The following SGSM2 variants were observed in gnomAD, a reference collection of about 807,000 sequenced individuals.
SGSM2 encodes small G protein signaling modulator 2, also known as RUN and TBC1 domain containing 1.
Under a neutral mutation model 126.6 loss-of-function variants are expected in SGSM2, and 89 were observed. The ratio of observed to expected loss-of-function variants is 0.70; its 90% CI spans 0.59 to 0.84. The LOEUF (loss-of-function observed/expected upper bound fraction) is 0.84, where lower values mean the gene tolerates loss of function less well. Ranked by LOEUF, SGSM2 falls within the 40% of genes least tolerant of loss-of-function variation. The pLI is 0.00. For synonymous variants in SGSM2, 614 were observed against 574.3 expected, an observed-to-expected ratio of 1.07 and a Z score of -0.99; for missense variants, 1,404 against 1,416.6, an observed-to-expected ratio of 0.99 and a Z score of 0.14.
chr17:2,376,168 T>C lies in SGSM2; in HGVS notation c.2516T>C (p.Leu839Pro). The change falls in exon 19 of 24, where the codon CTG becomes CCG. Residue 839 changes from leucine to proline, a missense_variant. Leu to Pro is a moderately conservative substitution (Grantham distance 98). Coordinates refer to ENST00000268989, the MANE Select transcript of SGSM2 (RefSeq NM_014853.3). ...IELLDTVALN[L>P]HRIDKDVQRC... ...TTACTGGACACTGTGGCCTTAAACCTGCACCGCATAGACAAGGATGTGCAG... is the reference window on the plus strand; with the variant it reads ...TTACTGGACACTGTGGCCTTAAACCCGCACCGCATAGACAAGGATGTGCAG... The C allele has an allele frequency of 6.2e-7, 1 of 1,614,064 alleles. No individual in the cohort carries two copies. Among genetic ancestry groups the C allele is most frequent in the Admixed American group, 1.7e-5 (1 of 60,026 alleles).
chr17:2,372,206 C>G lies in SGSM2; in HGVS notation c.1594C>G (p.Leu532Val). The G allele has an allele frequency of 6.2e-7, 1 of 1,613,316 alleles. No homozygotes were observed. The highest frequency in any genetic ancestry group is 8.5e-7 in the Non-Finnish European group (1 of 1,179,796). ...CIPDRLPLRL[L>V]CESMKRQIVS... ...TTGCCACAGGTTGCCGCTCAGGCTACTGTGTGAGAGTATGAAGAGGCAGAT... is the reference window on the plus strand; with the variant it reads ...TTGCCACAGGTTGCCGCTCAGGCTAGTGTGTGAGAGTATGAAGAGGCAGAT... The change falls in exon 14 of 24, where the codon CTG (leucine) becomes GTG (valine). Residue 532 changes from leucine (L) to valine (V), a missense_variant. Physicochemically the swap from Leu to Val is conservative, Grantham distance 32. Transcript: ENST00000268989. The surrounding 1 kb of genome is among the most constrained non-coding windows in gnomAD (Gnocchi z 6.0).
chr17:2,373,981 G>A (rs992231923), intron 17 of SGSM2: 3 of 164,764 alleles, frequency 1.8e-5, no homozygotes, highest in Non-Finnish European at 4.0e-5. Context: ...GGAGCCCGTA[G>A]AGCAGCCCCA....
At chr17:2,373,150 C>T in intron 16 of SGSM2, 69 bp downstream of exon 16, 1 of 1,589,132 alleles carries the variant, frequency 6.3e-7, no homozygotes, top group South Asian at 1.1e-5. Context: ...AGGGAGGGGA[C>T]CTTGGAAGCC....
rs763177407 is a variant in SGSM2, at chr17:2,373,760, G to T, written c.2100+247G>T. On this transcript the variant is annotated intron_variant, in intron 17 of 23. Transcript: ENST00000268989. The stretch of plus-strand genomic sequence containing the variant: ...TCAGTTTTAGCCAACTATAGGGAAA[G>T]ATGGACTTACTGGGATTTAGGGAAG... 1.6e-5 allele frequency: 8 copies of T among 499,248 alleles called. 1 individual carries two copies. The highest frequency in any genetic ancestry group is 2.9e-5 in the Non-Finnish European group (8 of 280,636). 30.9% of individuals were successfully genotyped at this position (499,248 alleles called of 1,614,324 possible).
chr17:2,351,487 G>A (rs2064850548), intron 2 of SGSM2, among the ~76,000 whole-genome samples: 1 of 152,192 alleles, frequency 6.6e-6, no homozygotes. Context: ...CCAGCTGAGT[G>A]TGCCCACATC....
chr17:2,373,177 C>T lies in SGSM2; in HGVS notation c.1917+96C>T, dbSNP rs536328022. 1.8e-3 allele frequency: 2,755 copies of T among 1,562,108 alleles called. 4 individuals are homozygous for T. Among genetic ancestry groups the T allele is most frequent in the South Asian group, 3.0e-3 (258 of 85,658 alleles). On this transcript the variant is annotated intron_variant, in intron 16 of 23. Coordinates refer to ENST00000268989, the MANE Select transcript of SGSM2 (RefSeq NM_014853.3). Reference sequence around the variant, plus strand: ...TTGGAAGCCTCAGCCCCTTCCCAGCCGGAAAGAAGCATGGCAGGGCAGCTC... The same window carrying T: ...TTGGAAGCCTCAGCCCCTTCCCAGCTGGAAAGAAGCATGGCAGGGCAGCTC...
rs1196379001 is a variant in SGSM2 at position 2,380,342 on chromosome 17, C to CT, written c.*823dup. 1 of 1,524,412 alleles carries CT rather than the reference C, an allele frequency of 6.6e-7. No individual in the cohort carries two copies. The highest frequency in any genetic ancestry group is 1.4e-5 in the African/African-American group (1 of 72,794). 94.4% of individuals were successfully genotyped at this position (1,524,412 alleles called of 1,614,324 possible). A position where few individuals can be genotyped will look rare whatever the true frequency, so the allele number is the denominator to read the frequency against. ...CTGGAATGCGACCGGAGCACTTGCT[C>CT]TGAGGAATCCCAGGGTGACTCTGTC... On this transcript the variant is annotated 3_prime_UTR_variant, in exon 24 of 24. Coordinates refer to ENST00000268989, the MANE Select transcript of SGSM2 (RefSeq NM_014853.3).
In SGSM2 at chr17:2,380,779, G is replaced by A. The variant is rs1423138714; in HGVS notation, c.*1259G>A. The A allele has an allele frequency of 5.1e-6, 1 of 195,588 alleles. No homozygotes were observed. The highest frequency in any genetic ancestry group is 1.1e-5 in the Non-Finnish European group (1 of 95,224). The allele number at this position is 195,588 out of a possible 1,614,324, so 12.1% of individuals were successfully genotyped here. ...AAAGTCTGGCAGACTTTCTGCATTT[G>A]AGAAACATGACAAAGGGCCCCGCAG... On this transcript the variant is annotated 3_prime_UTR_variant, in exon 24 of 24. Transcript: ENST00000268989.
Position 2,337,794 on chromosome 17 carries a change from G to A in SGSM2, c.57+49G>A. On this transcript the variant is annotated intron_variant, in intron 1 of 23. Transcript: ENST00000268989. This position sits in a 1 kb window ranked among gnomAD's most constrained non-coding sequence, Gnocchi z 5.1. ...GGGGGCTCGCGCCCTGGCCCGCGCG[G>A]CCCAGGGGGCAGAAAGGTCCGCGCC... 1.4e-6 allele frequency: 2 copies of A among 1,420,452 alleles called. No individual in the cohort carries two copies. Among genetic ancestry groups the A allele is most frequent in the South Asian group, 1.3e-5 (1 of 74,556 alleles). 88.0% of individuals were successfully genotyped at this position (1,420,452 alleles called of 1,614,324 possible). A position where few individuals can be genotyped will look rare whatever the true frequency, so the allele number is the denominator to read the frequency against.
At chr17:2,374,922 A>G (rs1448012613) in intron 17 of SGSM2, 1 of 152,258 alleles carries the variant, frequency 6.6e-6, no homozygotes, top group African/African-American at 2.4e-5. Flanking sequence ...TGCCTTGTCC[A>G]TGGTGGTGGA....
Position 2,367,138 on chromosome 17 carries a change from TC to T in SGSM2, c.1289-130del. The T allele has an allele frequency of 9.6e-7, 1 of 1,043,650 alleles. No individual in the cohort carries two copies. The highest frequency in any genetic ancestry group is 1.3e-6 in the Non-Finnish European group (1 of 743,874). 64.6% of individuals were successfully genotyped at this position (1,043,650 alleles called of 1,614,324 possible). Reference sequence around the variant, plus strand: ...TCATCCAAAGAGCTTTCTGGTCCCCTCCCTTCCCCTCTTCTGTGCCCTGCAG... The same window carrying T: ...TCATCCAAAGAGCTTTCTGGTCCCCTCCTTCCCCTCTTCTGTGCCCTGCAG... On this transcript the variant is annotated intron_variant, in intron 11 of 23. Transcript: ENST00000268989. The surrounding 1 kb of genome is among the most constrained non-coding windows in gnomAD (Gnocchi z 4.0).
chr17:2,340,174 G>C (rs2064284179), intron 1 of SGSM2, among the ~76,000 whole-genome samples: 1 of 151,926 alleles, frequency 6.6e-6, no homozygotes, highest in African/African-American at 2.4e-5. Context: ...GAGTGCAGTG[G>C]TGCGATCTCA....
At position 2,372,781 on chromosome 17, in the gene SGSM2, C is replaced by A; in HGVS notation, c.1789-172C>A. ...GAAGGAGAGCAGAACGAGATCTCAT[C>A]CCACTGTGAGCTGGGGCACGGGAGG... On this transcript the variant is annotated intron_variant, in intron 15 of 23. Coordinates refer to ENST00000268989, the MANE Select transcript of SGSM2 (RefSeq NM_014853.3). This position sits in a 1 kb window ranked among gnomAD's most constrained non-coding sequence, Gnocchi z 6.0. 2 of 917,154 alleles carry A rather than the reference C, an allele frequency of 2.2e-6. No homozygotes were observed. The highest frequency in any genetic ancestry group is 3.2e-6 in the Non-Finnish European group (2 of 620,890). 56.8% of individuals were successfully genotyped at this position (917,154 alleles called of 1,614,324 possible).
chr17:2,365,332 C>A lies in SGSM2; in HGVS notation c.1279C>A (p.His427Asn). 6.4e-7 allele frequency: 1 copy of A among 1,559,554 alleles called. No individual in the cohort carries two copies. The highest frequency in any genetic ancestry group is 1.9e-5 in the Admixed American group (1 of 52,400). ...CCGGATCATCTACCCCGGCCACAGG[C>A]ACGAGCACAGTGAGTGTCCCGAGCT... is the stretch of plus-strand genomic sequence containing the variant. ...VFRIIYPGHRHEHITINYHHL... is the reference protein window; with the variant it reads ...VFRIIYPGHRNEHITINYHHL... The change falls in exon 11 of 24, where the codon CAC (histidine) becomes AAC (asparagine). Residue 427 changes from histidine (H) to asparagine (N), a missense_variant. Physicochemically the swap from His to Asn is moderately conservative, Grantham distance 68. Transcript: ENST00000268989.
At position 2,337,821 on chromosome 17, in the gene SGSM2, AC is replaced by A; in HGVS notation, c.57+82del. 5.0e-5 allele frequency: 58 copies of A among 1,169,022 alleles called. No individual in the cohort carries two copies. Among genetic ancestry groups the A allele is most frequent in the South Asian group, 2.7e-4 (15 of 54,796 alleles). The allele number at this position is 1,169,022 out of a possible 1,614,324, so 72.4% of individuals were successfully genotyped here. ...CCAGGGGGCAGAAAGGTCCGCGCCC[AC>A]CCCCCGGCGCGGGCACCCGGGCCGA... is the stretch of plus-strand genomic sequence containing the variant. On this transcript the variant is annotated intron_variant, in intron 1 of 23. Coordinates refer to ENST00000268989, the MANE Select transcript of SGSM2 (RefSeq NM_014853.3). This position sits in a 1 kb window ranked among gnomAD's most constrained non-coding sequence, Gnocchi z 5.1.
chr17:2,353,604 A>T (rs909444040), intron 2 of SGSM2, among the ~76,000 whole-genome samples: 1 of 152,020 alleles, frequency 6.6e-6, no homozygotes, highest in Non-Finnish European at 1.5e-5. Flanking sequence ...CTCTACTAAA[A>T]ATTTTTAAAA....
chr17:2,376,025 C>T, intron 18 of SGSM2, 112 bp from the exon 19 acceptor site: 1 of 1,553,948 alleles, frequency 6.4e-7, no homozygotes, highest in Admixed American at 1.8e-5. Flanking sequence ...CCCCACAGGA[C>T]TCGCTCTGGT....
rs747194524 is a variant in SGSM2, at chr17:2,377,954, G to A, written c.2899+1G>A. The A allele has an allele frequency of 6.3e-7, 1 of 1,594,692 alleles. No homozygotes were observed. Among genetic ancestry groups the A allele is most frequent in the Non-Finnish European group, 8.6e-7 (1 of 1,162,728 alleles). ...TGGTTCCTGCTGGATTTTAAGAGAG[G>A]TAAGAAGTGGGTTGGATCATGGGGC... On this transcript the variant is annotated splice_donor_variant, in intron 22 of 23. Coordinates refer to ENST00000268989, the MANE Select transcript of SGSM2 (RefSeq NM_014853.3). LOFTEE classifies it high-confidence loss of function.
At position 2,375,716 on chromosome 17, in the gene SGSM2, C is replaced by T. The variant is rs1370463451; in HGVS notation, c.2325C>T (p.Gly775=). The change falls in exon 18 of 24, where the codon GGC becomes GGT. Residue 775 remains glycine, a synonymous_variant. Coordinates refer to ENST00000268989, the MANE Select transcript of SGSM2 (RefSeq NM_014853.3). ...GCCTAGATGAGGGGCAGAGCGTGGG[C>T]TTCGAAGAGGAGGACGGCGGTGGGG... ...QSSLDEGQSV[G]FEEEDGGGEE... The T allele has an allele frequency of 1.2e-6, 2 of 1,611,218 alleles. No individual in the cohort carries two copies. Among genetic ancestry groups the T allele is most frequent in the Non-Finnish European group, 1.7e-6 (2 of 1,177,844 alleles).
Sources: gnomAD v4.1 joint callset for allele counts (sites outside exome capture counted in the v4.1 genomes callset) on GRCh38, gnomAD v4.1.1 for gene constraint, Gnocchi (gnomAD v3.1) non-coding constraint, MANE v1.5 for transcripts, NCBI Gene and HGNC (gene_info 2026-07-23, HGNC 2026-07-21) for gene names.